Variants in CACNA1B observed in about 807,000 individuals in gnomAD.
The protein encoded by CACNA1B is calcium voltage-gated channel subunit alpha1 B, also known as voltage-dependent N-type calcium channel subunit alpha-1B.
CACNA1B carries 70 observed loss-of-function variants against 247.2 expected under a neutral mutation model. The observed-to-expected ratio is 0.28, with a 90% CI of 0.23 to 0.35. CACNA1B has a LOEUF of 0.35. Ranked by LOEUF, CACNA1B falls within the 10% of genes least tolerant of loss-of-function variation. The pLI, the probability that CACNA1B is intolerant of heterozygous loss-of-function variation, is 1.00. For missense variants in CACNA1B, 2,367 were observed against 3,197.4 expected (o/e 0.74, Z 6.26); for synonymous variants, 1,231 against 1,294.4 (o/e 0.95, Z 1.05).
Position 137,974,225 on chromosome 9 carries a change from T to C in CACNA1B, c.1544-1682T>C, listed in dbSNP as rs1193908723. ...TGCACAGCCAGGCCCAGGTCAGAGC[T>C]GTAGGGTCCAGTGGTCTCAGTTGAG... On this transcript the variant is annotated intron_variant, in intron 11 of 46. Coordinates refer to ENST00000371372, the MANE Select transcript of CACNA1B (RefSeq NM_000718.4). This position sits in a 1 kb window ranked among gnomAD's most constrained non-coding sequence, Gnocchi z 4.5. 2.6e-5 allele frequency among the ~76,000 whole-genome samples: 4 copies of C among 152,182 alleles called. No homozygotes were observed. The highest frequency in any genetic ancestry group is 5.9e-5 in the Non-Finnish European group (4 of 68,028).
At position 137,950,945 on chromosome 9, in the gene CACNA1B, A is replaced by G. The variant is rs1957871021; in HGVS notation, c.967-1329A>G. 6.6e-6 allele frequency among the ~76,000 whole-genome samples: 1 copy of G among 152,136 alleles called. No homozygotes were observed. The highest frequency in any genetic ancestry group is 6.5e-5 in the Admixed American group (1 of 15,282). On this transcript the variant is annotated intron_variant, in intron 6 of 46. Coordinates refer to ENST00000371372, the MANE Select transcript of CACNA1B (RefSeq NM_000718.4). The surrounding 1 kb of genome is among the most constrained non-coding windows in gnomAD (Gnocchi z 4.8). ...TGGAAGTCCTGTTTTTTAAGATGAG[A>G]GGAATTAGAGCCAGTTGGCTACTGA... is the stretch of plus-strand genomic sequence containing the variant.
intron 18 of CACNA1B, 144 bp from the exon 19 acceptor site, chr9:138,022,867 C>A: frequency 3.6e-6 from 4 of 1,120,110 alleles, no homozygotes; most frequent in Non-Finnish European, 4.8e-6. Context: ...TGATCCGCGT[C>A]CCCCGAGGGG....
intron 3 of CACNA1B, among the ~76,000 whole-genome samples, chr9:137,900,437 G>A (rs574153590): frequency 3.3e-5 from 5 of 152,110 alleles, no homozygotes; most frequent in Middle Eastern, 3.4e-3. Flanking sequence ...GTGTGTCTGC[G>A]CCGTGTGTCT....
Position 138,058,381 on chromosome 9 carries a change from C to T in CACNA1B, c.4308+131C>T. On this transcript the variant is annotated intron_variant, in intron 28 of 46. Transcript: ENST00000371372. The surrounding 1 kb of genome is among the most constrained non-coding windows in gnomAD (Gnocchi z 4.7). ...CCGTCTGCCAACACAGGGGCAGGTC[C>T]TCCTTTCTCCTGCAGAGGGACCGGA... is the stretch of plus-strand genomic sequence containing the variant. The T allele has an allele frequency of 2.1e-6, 2 of 958,120 alleles. No individual in the cohort carries two copies. The highest frequency in any genetic ancestry group is 2.4e-5 in the East Asian group (1 of 41,448). The allele number at this position is 958,120 out of a possible 1,614,324, so 59.4% of individuals were successfully genotyped here.
intron 20 of CACNA1B, among the ~76,000 whole-genome samples, chr9:138,029,065 A>G (rs572526693): frequency 1.3e-4 from 20 of 152,360 alleles, no homozygotes; most frequent in South Asian, 6.2e-4. Flanking sequence ...TGTTAAAAAC[A>G]TTATATTGAC....
In CACNA1B at chr9:138,121,944, C is replaced by G. The variant is rs200832957; in HGVS notation, c.6965C>G (p.Ser2322Trp). 1 of 1,606,528 alleles carries G rather than the reference C, an allele frequency of 6.2e-7. No individual in the cohort carries two copies. The change falls in exon 47 of 47, where the codon TCG (serine) becomes TGG (tryptophan). Residue 2322 changes from serine to tryptophan, a missense_variant. This residue lies in a region of CACNA1B where 773 missense variants were observed against 779.4 expected (regional missense o/e 0.99). Coordinates refer to ENST00000371372, the MANE Select transcript of CACNA1B (RefSeq NM_000718.4). This position sits in a 1 kb window ranked among gnomAD's most constrained non-coding sequence, Gnocchi z 6.8. The part of the protein sequence containing the change: ...NGYHCTLGLS[S>W]GGRARHSYHH... ...TACCACTGCACCCTGGGACTCAGCT[C>G]GGGTGGCCGAGCACGGCACAGCTAC...
In CACNA1B at chr9:138,067,494, A is replaced by G. The variant is rs556848976; in HGVS notation, c.4669-2264A>G. ...GGTGGGCAGATCACCTGAGGTCAGA[A>G]GTTCGAGACGAGTGGATAACATTGT... On this transcript the variant is annotated intron_variant, in intron 31 of 46. Coordinates refer to ENST00000371372, the MANE Select transcript of CACNA1B (RefSeq NM_000718.4). Among the ~76,000 whole-genome samples, 204 of 152,368 alleles carry G rather than the reference A, an allele frequency of 1.3e-3. 1 individual carries two copies. The highest frequency in any genetic ancestry group is 2.2e-3 in the Admixed American group (33 of 15,304).
At chr9:138,099,856 G>C (rs190141377) in intron 37 of CACNA1B, among the ~76,000 whole-genome samples, 2 of 152,240 alleles carry the variant, frequency 1.3e-5, no homozygotes, top group African/African-American at 4.8e-5. Context: ...CTGGTGACTT[G>C]AGAGGAGAAT....
chr9:138,110,067 C>A (rs1194302640), intron 39 of CACNA1B, among the ~76,000 whole-genome samples: 1 of 151,140 alleles, frequency 6.6e-6, no homozygotes, highest in Middle Eastern at 3.2e-3. Context: ...TGGAAAAAAT[C>A]GATAAATTGA....
intron 6 of CACNA1B, among the ~76,000 whole-genome samples, chr9:137,947,424 C>T (rs1957809467): frequency 6.6e-6 from 1 of 152,068 alleles, no homozygotes; most frequent in Non-Finnish European, 1.5e-5. Context: ...GCCTCCAGAC[C>T]CTATTCTTCT....
chr9:137,978,562 C>G (rs940064700), intron 12 of CACNA1B, among the ~76,000 whole-genome samples: 3 of 152,254 alleles, frequency 2.0e-5, no homozygotes, highest in South Asian at 2.1e-4. Context: ...GTGCCGCCCC[C>G]CAAGGGAGGG....
chr9:138,003,778 C>CTTTT (rs11305081), intron 15 of CACNA1B, among the ~76,000 whole-genome samples: 84 of 86,884 alleles, frequency 9.7e-4, no homozygotes, highest in East Asian at 1.4e-3. Flanking sequence ...ACGGGCTTGC[C>CTTTT]TTTTTTTTTT....
rs2133337823 is a variant in CACNA1B at position 137,952,393 on chromosome 9, G to A, written c.1070+16G>A. ...TGCTCTCGGGGTGAGAGACCATGTG[G>A]GGGATGTGCAGGTGCCCCTCTGTGT... is the stretch of plus-strand genomic sequence containing the variant. On this transcript the variant is annotated intron_variant, in intron 7 of 46. Transcript: ENST00000371372. The surrounding 1 kb of genome is among the most constrained non-coding windows in gnomAD (Gnocchi z 4.8). The A allele has an allele frequency of 6.2e-7, 1 of 1,603,264 alleles. No homozygotes were observed. The highest frequency in any genetic ancestry group is 8.5e-7 in the Non-Finnish European group (1 of 1,170,238).
Position 138,120,242 on chromosome 9 carries a change from C to T in CACNA1B, c.6108C>T (p.Ser2036=), listed in dbSNP as rs1245555128. The change falls in exon 45 of 47, where the codon AGC becomes AGT. Residue 2036 remains serine (S), a synonymous_variant. Coordinates refer to ENST00000371372, the MANE Select transcript of CACNA1B (RefSeq NM_000718.4). ...GGCCCCGTGGGACTCATCTTTGCAG[C>T]ACCACCCCGGACCGCCCACCCCCTA... ...AQRPRGTHLC[S]TTPDRPPPSQ... 6.2e-7 allele frequency: 1 copy of T among 1,606,274 alleles called. No homozygotes were observed. The highest frequency in any genetic ancestry group is 1.7e-5 in the Admixed American group (1 of 59,506).
Position 138,025,080 on chromosome 9 carries a change from C to T in CACNA1B, c.3194C>T (p.Thr1065Ile). 6.2e-7 allele frequency: 1 copy of T among 1,613,230 alleles called. No homozygotes were observed. Among genetic ancestry groups the T allele is most frequent in the Non-Finnish European group, 8.5e-7 (1 of 1,179,572 alleles). ...GATGCAGACAATCAGCGGAACGTCA[C>T]TCGCATGGGCAGTCAGCCCCCAGAC... is the stretch of plus-strand genomic sequence containing the variant. ...PEDADNQRNV[T>I]RMGSQPPDPN... is the part of the protein sequence containing the mutation. Residue 1065 changes from threonine (T) to isoleucine (I), a missense_variant, in exon 20 of 47, where the codon ACT (threonine) becomes ATT (isoleucine). By Grantham distance (89) the Thr-to-Ile change is moderately conservative (BLOSUM62 -1). Around this residue, in one of 12 missense-constraint regions of CACNA1B, gnomAD observed 631 missense variants for 631.1 expected, o/e 1.00. Coordinates refer to ENST00000371372, the MANE Select transcript of CACNA1B (RefSeq NM_000718.4).
rs772144053 is a variant in CACNA1B at position 138,043,796 on chromosome 9, C to A, written c.3309C>A (p.Ser1103Arg). 6.2e-7 allele frequency: 1 copy of A among 1,613,866 alleles called. No individual in the cohort carries two copies. The highest frequency in any genetic ancestry group is 1.7e-5 in the Admixed American group (1 of 60,024). Residue 1103 changes from serine (S) to arginine (R), a missense_variant, in exon 21 of 47, where the codon AGC (serine) becomes AGA (arginine). Physicochemically the swap from Ser to Arg is moderately radical, Grantham distance 110. Coordinates refer to ENST00000371372, the MANE Select transcript of CACNA1B (RefSeq NM_000718.4). ...VVPSGNVDLE[S>R]QAEGKKEVEA... ...TAGGTGGTAACGTGGACCTGGAAAGCCAAGCAGAGGGGAAGAAGGAGGTGG... is the reference window on the plus strand; with the variant it reads ...TAGGTGGTAACGTGGACCTGGAAAGACAAGCAGAGGGGAAGAAGGAGGTGG...
chr9:138,070,571 G>A (rs576907438), intron 32 of CACNA1B, among the ~76,000 whole-genome samples: 1 of 152,322 alleles, frequency 6.6e-6, no homozygotes, highest in South Asian at 2.1e-4. Flanking sequence ...ATATAAAGTA[G>A]AAGATATTTG....
At chr9:138,039,175 G>A (rs148673938) in intron 20 of CACNA1B, among the ~76,000 whole-genome samples, 2,783 of 151,312 alleles carry the variant, frequency 0.018, 95 homozygotes, top group African/African-American at 0.063. Context: ...CAGCCTGGGC[G>A]ATAGGGCAAG....
At position 138,102,693 on chromosome 9, in the gene CACNA1B, G is replaced by A. The variant is rs769647629; in HGVS notation, c.5223-18G>A. 22 of 1,566,688 alleles carry A rather than the reference G, an allele frequency of 1.4e-5. No homozygotes were observed. Among genetic ancestry groups the A allele is most frequent in the Middle Eastern group, 1.7e-4 (1 of 5,954 alleles). ...GACCACCCCACTGTGCCCTGGCCTC[G>A]CTGGGACGGGTTTCCAGTGGGCGCA... On this transcript the variant is annotated intron_variant, in intron 37 of 46. Coordinates refer to ENST00000371372, the MANE Select transcript of CACNA1B (RefSeq NM_000718.4). The surrounding 1 kb of genome is among the most constrained non-coding windows in gnomAD (Gnocchi z 5.4).
Sources: allele counts gnomAD v4.1 joint callset (sites outside exome capture counted in the v4.1 genomes callset), GRCh38; gene constraint gnomAD v4.1.1; regional missense constraint gnomAD v4.1.1; non-coding constraint Gnocchi (gnomAD v3.1); transcripts MANE v1.5; gene names NCBI Gene and HGNC (gene_info 2026-07-23, HGNC 2026-07-21).